Variants in ZNF678 observed in about 807,000 individuals in gnomAD.
The protein encoded by ZNF678 is zinc finger protein 678, also known as hypothetical protein MGC42493.
A neutral mutation model predicts 3.0 loss-of-function variants in ZNF678; 5 were observed. That is an observed-to-expected ratio of 1.69 (90% confidence interval 0.88 to 3.56). The LOEUF is 3.56. Ranked by LOEUF, ZNF678 falls within the 30% of genes most tolerant of loss-of-function variation. ZNF678 has a pLI of 0.00. For missense variants in ZNF678, 593 were observed against 605.0 expected (o/e 0.98, Z 0.21); for synonymous variants, 218 against 199.6 (o/e 1.09, Z -0.78).
At position 227,654,680 on chromosome 1, in the gene ZNF678, A is replaced by T. The variant is rs17854209; in HGVS notation, c.430A>T (p.Lys144Ter). 1.9e-6 allele frequency: 3 copies of T among 1,613,284 alleles called. No individual in the cohort carries two copies. The highest frequency in any genetic ancestry group is 4.5e-5 in the East Asian group (2 of 44,864). The change falls in exon 4 of 4, where the codon AAA becomes TAA. Residue 144 changes from lysine (K) to a stop codon, truncating the protein, a stop_gained. Transcript: ENST00000343776. LOFTEE classifies it low-confidence loss of function (END_TRUNC). ...TCGATGTTCAAACCTAACAAAACAT[A>T]AAAGAATTCATACTGGAGAGAAACC... ...FNRCSNLTKH[K>*]RIHTGEKPYK...
chr1:227,663,388 T>TA (rs1474813254), downstream of ZNF678, among the ~76,000 whole-genome samples: 4 of 152,144 alleles, frequency 2.6e-5, no homozygotes, highest in African/African-American at 9.7e-5. Context: ...TGAAATAACA[T>TA]AAAGACGTGA....
Position 227,655,208 on chromosome 1 carries a change from C to T in ZNF678, c.958C>T (p.Pro320Ser). ...RHKRIHTGEK[P>S]YQCEECGKTF... The stretch of plus-strand genomic sequence containing the variant: ...TAAAAGAATTCATACTGGAGAAAAA[C>T]CCTACCAATGTGAAGAATGTGGCAA... The change falls in exon 4 of 4, where the codon CCC becomes TCC. Residue 320 changes from proline (P) to serine (S), a missense_variant. By Grantham distance (74) the Pro-to-Ser change is moderately conservative (BLOSUM62 -1). Coordinates refer to ENST00000343776, the MANE Select transcript of ZNF678 (RefSeq NM_001367909.1). 1 of 1,612,574 alleles carries T rather than the reference C, an allele frequency of 6.2e-7. No individual in the cohort carries two copies. The highest frequency in any genetic ancestry group is 8.5e-7 in the Non-Finnish European group (1 of 1,179,420).
chr1:227,610,656 G>A (rs1320567837), intron 1 of ZNF678, among the ~76,000 whole-genome samples: 6 of 152,096 alleles, frequency 3.9e-5, no homozygotes, highest in Admixed American at 3.9e-4. Flanking sequence ...CCTGTCATTG[G>A]CCTGGACATT....
chr1:227,569,315 T>C lies in ZNF678; in HGVS notation c.-164+5591T>C, dbSNP rs553065155. ...GGGACAACTTAATATGTATTTTTTC[T>C]TCTGCTTCTTGAAATATATGCAAAT... On this transcript the variant is annotated intron_variant, in intron 1 of 3. Coordinates refer to ENST00000343776, the MANE Select transcript of ZNF678 (RefSeq NM_001367909.1). Among the ~76,000 whole-genome samples the C allele has an allele frequency of 5.3e-5, 8 of 152,356 alleles. No individual in the cohort carries two copies. The South Asian group carries it at 1.7e-3, about 32-fold the overall frequency.
At chr1:227,632,011 A>C (rs997449620) in intron 1 of ZNF678, among the ~76,000 whole-genome samples, 3 of 152,168 alleles carry the variant, frequency 2.0e-5, no homozygotes, top group Non-Finnish European at 4.4e-5. Flanking sequence ...AGGCTTGGAG[A>C]TTGTATTGCA....
At chr1:227,675,883 C>T (rs1558165716) in intron 5 of ZNF678, among the ~76,000 whole-genome samples, 1 of 152,154 alleles carries the variant, frequency 6.6e-6, no homozygotes, top group Non-Finnish European at 1.5e-5. Flanking sequence ...GCAACATCTG[C>T]AAGGTGTTTG....
At chr1:227,581,001 C>T (rs536030139) in intron 1 of ZNF678, among the ~76,000 whole-genome samples, 2 of 151,626 alleles carry the variant, frequency 1.3e-5, no homozygotes, top group East Asian at 1.9e-4. Context: ...GTATGGACTT[C>T]TATATAAAGG....
rs2102778268 is a variant in ZNF678, at chr1:227,628,858, G to A, written c.-163-17686G>A. Among the ~76,000 whole-genome samples, 5 of 152,350 alleles carry A rather than the reference G, an allele frequency of 3.3e-5. No individual in the cohort carries two copies. In the Middle Eastern group the frequency reaches 0.017, roughly 518 times the overall value. On this transcript the variant is annotated intron_variant, in intron 1 of 3. Coordinates refer to ENST00000343776, the MANE Select transcript of ZNF678 (RefSeq NM_001367909.1). ...TGGGGGCTATCCCAACAGTCCAGGT[G>A]AGTTGAGATATTGGGTTTGAAGGAT...
chr1:227,638,069 G>T lies in ZNF678; in HGVS notation c.-163-8475G>T, dbSNP rs180895591. Among the ~76,000 whole-genome samples the T allele has an allele frequency of 6.6e-6, 1 of 152,258 alleles. No individual in the cohort carries two copies. ...ACGGTTTTAGGGATAAGGTAGAGAGGTCGTGAGCAAGGGCCTGTCCAAAAA... is the reference window on the plus strand; with the variant it reads ...ACGGTTTTAGGGATAAGGTAGAGAGTTCGTGAGCAAGGGCCTGTCCAAAAA... On this transcript the variant is annotated intron_variant, in intron 1 of 3. Transcript: ENST00000343776. This position sits in a 1 kb window ranked among gnomAD's most constrained non-coding sequence, Gnocchi z 4.2.
chr1:227,674,801 C>A (rs1350771545), intron 5 of ZNF678, among the ~76,000 whole-genome samples: 1 of 152,004 alleles, frequency 6.6e-6, no homozygotes, highest in East Asian at 1.9e-4. Context: ...CGGGGTTTCA[C>A]CATGTTGGCC....
intron 1 of ZNF678, among the ~76,000 whole-genome samples, chr1:227,590,544 A>AT (rs1248047300): frequency 6.6e-6 from 1 of 151,530 alleles, no homozygotes; most frequent in African/African-American, 2.4e-5. Flanking sequence ...GTATTGTATA[A>AT]TTTTTTCAGG....
intron 1 of ZNF678, among the ~76,000 whole-genome samples, chr1:227,592,279 C>T (rs1657436662): frequency 6.6e-6 from 1 of 152,340 alleles, no homozygotes; most frequent in African/African-American, 2.4e-5. Flanking sequence ...ATTAAAGTCA[C>T]CACAGCATGG....
rs906473485 is a variant in ZNF678, at chr1:227,614,129, C to G, written c.-163-32415C>G. 5.9e-5 allele frequency among the ~76,000 whole-genome samples: 9 copies of G among 152,302 alleles called. No homozygotes were observed. The East Asian group carries it at 1.5e-3, about 26-fold the overall frequency. On this transcript the variant is annotated intron_variant, in intron 1 of 3. Coordinates refer to ENST00000343776, the MANE Select transcript of ZNF678 (RefSeq NM_001367909.1). ...TGGGCCCAGTTAGACCTCCTGCAGACTAAACTCCTTATGGTCTTCTGGACT... is the reference window on the plus strand; with the variant it reads ...TGGGCCCAGTTAGACCTCCTGCAGAGTAAACTCCTTATGGTCTTCTGGACT...
chr1:227,635,649 G>A (rs188142154), intron 1 of ZNF678, among the ~76,000 whole-genome samples: 1 of 152,000 alleles, frequency 6.6e-6, no homozygotes, highest in African/African-American at 2.4e-5. Flanking sequence ...ACGGGGCAAA[G>A]GTTTTATGGT....
In ZNF678 at chr1:227,657,050, C is replaced by T. The variant is rs184982883; in HGVS notation, c.*1222C>T. ...GCTTTGGTTTTTTTGTGCCTTACCT[C>T]ATGTTGAAATGTGTTCCCCCATGTT... On this transcript the variant is annotated 3_prime_UTR_variant, in exon 4 of 4. Coordinates refer to ENST00000343776, the MANE Select transcript of ZNF678 (RefSeq NM_001367909.1). 1.2e-4 allele frequency: 18 copies of T among 151,876 alleles called. No homozygotes were observed. The East Asian group carries it at 3.1e-3, about 26-fold the overall frequency. The allele number at this position is 151,876 out of a possible 1,614,324, so 9.4% of individuals were successfully genotyped here.
chr1:227,587,107 G>T (rs538831141), intron 1 of ZNF678, among the ~76,000 whole-genome samples: 4 of 152,284 alleles, frequency 2.6e-5, no homozygotes, highest in Admixed American at 6.5e-5. Flanking sequence ...CCTAGTTTTT[G>T]TAACACTAGC....
At chr1:227,648,097 T>C (rs2102798472) in intron 2 of ZNF678, among the ~76,000 whole-genome samples, 1 of 152,304 alleles carries the variant, frequency 6.6e-6, no homozygotes, top group Admixed American at 6.5e-5. Context: ...AAAACTGAGA[T>C]TGGTAATTTA....
At chr1:227,583,345 C>CT (rs144278686) in intron 1 of ZNF678, among the ~76,000 whole-genome samples, 1 of 145,288 alleles carries the variant, frequency 6.9e-6, no homozygotes, top group African/African-American at 2.5e-5. Flanking sequence ...CTTTTTTTTT[C>CT]TTTTTTCTTT....
chr1:227,664,944 A>G (rs888811000), downstream of ZNF678, among the ~76,000 whole-genome samples: 16 of 152,266 alleles, frequency 1.1e-4, 1 homozygote, highest in Middle Eastern at 3.4e-3. Flanking sequence ...TCAGGGCCCC[A>G]GGTTTGTGGT....
Sources: allele counts gnomAD v4.1 joint callset (sites outside exome capture counted in the v4.1 genomes callset), GRCh38; gene constraint gnomAD v4.1.1; non-coding constraint Gnocchi (gnomAD v3.1); transcripts MANE v1.5; gene names NCBI Gene and HGNC (gene_info 2026-07-23, HGNC 2026-07-21).